The following SMCHD1 variants were observed in gnomAD, a reference collection of about 807,000 sequenced individuals.
SMCHD1 encodes structural maintenance of chromosomes flexible hinge domain-containing protein 1.
Under a neutral mutation model 254.7 loss-of-function variants are expected in SMCHD1, and 78 were observed. The ratio of observed to expected loss-of-function variants is 0.31; its 90% CI spans 0.26 to 0.37. SMCHD1 has a LOEUF of 0.37. SMCHD1 is among the 10% of genes least tolerant of loss of function. SMCHD1 has a pLI of 1.00. For missense variants in SMCHD1, 1,840 were observed against 2,408.1 expected (o/e 0.76, Z 4.94); for synonymous variants, 766 against 794.9 (o/e 0.96, Z 0.61).
chr18:2,750,419 A>T lies in SMCHD1; in HGVS notation c.4077A>T (p.Leu1359Phe), dbSNP rs1435650510. The stretch of plus-strand genomic sequence containing the variant: ...TCATAGAAGGACCTATAATTAAGTT[A>T]ATGATTCTTCCAGACCCAGAAAAAC... The part of the protein sequence containing the change: ...KSIIEGPIIK[L>F]MILPDPEKPV... Residue 1359 changes from leucine (L) to phenylalanine (F), a missense_variant, in exon 32 of 48, where the codon TTA (leucine) becomes TTT (phenylalanine). Transcript: ENST00000320876. 1 of 1,612,478 alleles carries T rather than the reference A, an allele frequency of 6.2e-7. No individual in the cohort carries two copies. Among genetic ancestry groups the T allele is most frequent in the South Asian group, 1.1e-5 (1 of 90,964 alleles).
intron 10 of SMCHD1, among the ~76,000 whole-genome samples, chr18:2,699,875 A>T (rs779991646): frequency 2.0e-5 from 3 of 152,190 alleles, no homozygotes; most frequent in Non-Finnish European, 2.9e-5. Context: ...AACTAATTCC[A>T]GGGTAGCTGA....
At chr18:2,677,404 G>T (rs1047838055) in intron 5 of SMCHD1, among the ~76,000 whole-genome samples, 1 of 152,086 alleles carries the variant, frequency 6.6e-6, no homozygotes, top group Non-Finnish European at 1.5e-5. Flanking sequence ...TTAATTGCTT[G>T]TATCTGTCTT....
chr18:2,698,438 A>G (rs569987424), intron 10 of SMCHD1, among the ~76,000 whole-genome samples: 1 of 152,278 alleles, frequency 6.6e-6, no homozygotes, highest in African/African-American at 2.4e-5. Context: ...TCTCAAAATT[A>G]TATAAATCTG....
intron 44 of SMCHD1, among the ~76,000 whole-genome samples, chr18:2,781,210 A>C (rs12457639): frequency 0.25 from 38,061 of 152,176 alleles, 4,877 homozygotes; most frequent in South Asian, 0.35. Context: ...TGCCACCTTC[A>C]TCTCAACTCC....
chr18:2,755,278 C>T (rs1598408051), intron 34 of SMCHD1, among the ~76,000 whole-genome samples: 1 of 152,136 alleles, frequency 6.6e-6, no homozygotes, highest in East Asian at 1.9e-4. Flanking sequence ...TTGTCTTAAA[C>T]TCTTGGGCCT....
Position 2,751,377 on chromosome 18 carries a change from A to G in SMCHD1, c.4265A>G (p.Asn1422Ser). 1 of 1,566,528 alleles carries G rather than the reference A, an allele frequency of 6.4e-7. No individual in the cohort carries two copies. Among genetic ancestry groups the G allele is most frequent in the Admixed American group, 2.1e-5 (1 of 48,478 alleles). Residue 1422 changes from asparagine (N) to serine (S), a missense_variant, in exon 33 of 48, where the codon AAC (asparagine) becomes AGC (serine). By Grantham distance (46) the Asn-to-Ser change is conservative. Transcript: ENST00000320876. ...MKMWKLSTSG[N>S]RPPANAETFS... is the part of the protein sequence containing the mutation. ...ATGTGGAAGCTGTCTACCAGTGGGA[A>G]CCGACCCCCAGCAAATGTGAGTCAT...
At chr18:2,703,589 A>AT in intron 12 of SMCHD1, 103 bp from the exon 13 acceptor site, 1 of 864,756 alleles carries the variant, frequency 1.2e-6, no homozygotes, top group Non-Finnish European at 1.8e-6. Context: ...GGTTTTCTGA[A>AT]TTGGAGTATA....
chr18:2,710,214 G>A (rs765010605), intron 17 of SMCHD1, among the ~76,000 whole-genome samples: 1 of 152,192 alleles, frequency 6.6e-6, no homozygotes, highest in Non-Finnish European at 1.5e-5. Flanking sequence ...ACATATGTGA[G>A]AATTTATTTC....
In SMCHD1 at chr18:2,762,223, A is replaced by C. The variant is rs758405083; in HGVS notation, c.4553A>C (p.His1518Pro). The C allele has an allele frequency of 1.9e-6, 3 of 1,613,470 alleles. No individual in the cohort carries two copies. The highest frequency in any genetic ancestry group is 3.3e-5 in the Admixed American group (2 of 59,988). ...AGTAGGACCTTGGTCAGAGATCTACATCTTAGTATCACGGTAATGTTTATT... is the reference window on the plus strand; with the variant it reads ...AGTAGGACCTTGGTCAGAGATCTACCTCTTAGTATCACGGTAATGTTTATT... ...VASRTLVRDLHLSITDDYDNH... is the reference protein window; with the variant it reads ...VASRTLVRDLPLSITDDYDNH... Residue 1518 changes from histidine to proline, a missense_variant, in exon 36 of 48, where the codon CAT (histidine) becomes CCT (proline). His to Pro is a moderately conservative substitution (Grantham distance 77). This residue lies in a region of SMCHD1 where 881 missense variants were observed against 1,009.5 expected (regional missense o/e 0.87). Coordinates refer to ENST00000320876, the MANE Select transcript of SMCHD1 (RefSeq NM_015295.3).
At chr18:2,802,225 G>C (rs1189294578) in intron 47 of SMCHD1, among the ~76,000 whole-genome samples, 1 of 151,926 alleles carries the variant, frequency 6.6e-6, no homozygotes, top group African/African-American at 2.4e-5. Flanking sequence ...AGGAAAAGGG[G>C]GTGAAAGGAA....
chr18:2,696,843 T>G (rs978363997), intron 8 of SMCHD1, among the ~76,000 whole-genome samples, 189 bp from the exon 9 acceptor site: 6 of 152,226 alleles, frequency 3.9e-5, no homozygotes, highest in Admixed American at 3.3e-4. Flanking sequence ...CCAGGTTCTA[T>G]ATCTGTAAAA....
At chr18:2,743,679 G>GTT in intron 28 of SMCHD1, 82 bp from the exon 29 acceptor site, 2 of 1,047,214 alleles carry the variant, frequency 1.9e-6, no homozygotes, top group Non-Finnish European at 2.7e-6. Context: ...ACGCCCATGG[G>GTT]TTAATGACAA....
rs554902983 is a variant in SMCHD1, at chr18:2,673,071, G to A, written c.425-210G>A. 2.0e-4 allele frequency: 199 copies of A among 985,318 alleles called. 1 individual carries two copies. The Middle Eastern group carries it at 4.7e-3, about 23-fold the overall frequency. 61.0% of individuals were successfully genotyped at this position (985,318 alleles called of 1,614,324 possible). ...GGCTGGCTGACTCATGCTGTATAGT[G>A]CCATACAAGTACTGATTGATGACTG... On this transcript the variant is annotated intron_variant, in intron 3 of 47. Coordinates refer to ENST00000320876, the MANE Select transcript of SMCHD1 (RefSeq NM_015295.3).
At chr18:2,742,456 G>A (rs572640101) in intron 28 of SMCHD1, among the ~76,000 whole-genome samples, 3 of 152,194 alleles carry the variant, frequency 2.0e-5, no homozygotes, top group Admixed American at 6.5e-5. Flanking sequence ...TATCAAATTT[G>A]GAACCCTAAG....
In SMCHD1 at chr18:2,804,035, A is replaced by G. The variant is rs2076408242; in HGVS notation, c.*1483A>G. On this transcript the variant is annotated 3_prime_UTR_variant, in exon 48 of 48. Transcript: ENST00000320876. ...AACATTTCTTGTTTCTGACTTTTAG[A>G]TTAGGGATACTCACCCCGTACCAAT... 1.3e-5 allele frequency: 2 copies of G among 152,180 alleles called. No individual in the cohort carries two copies. 9.4% of individuals were successfully genotyped at this position (152,180 alleles called of 1,614,324 possible). A position where few individuals can be genotyped will look rare whatever the true frequency, so the allele number is the denominator to read the frequency against.
At chr18:2,661,073 C>G (rs547587046) in intron 1 of SMCHD1, among the ~76,000 whole-genome samples, 20 of 152,130 alleles carry the variant, frequency 1.3e-4, no homozygotes, top group Non-Finnish European at 2.6e-4. Flanking sequence ...CAAACTAACA[C>G]AGGAACAGAA....
intron 41 of SMCHD1, among the ~76,000 whole-genome samples, chr18:2,775,288 C>A (rs141513499): frequency 6.7e-6 from 1 of 150,284 alleles, no homozygotes; most frequent in Admixed American, 6.7e-5. Flanking sequence ...AAAGTATTTA[C>A]TTAGAAGGGA....
intron 45 of SMCHD1, among the ~76,000 whole-genome samples, chr18:2,793,492 T>A (rs2076203219): frequency 6.6e-6 from 1 of 151,440 alleles, no homozygotes; most frequent in Non-Finnish European, 1.5e-5. Context: ...TGAAACCCTG[T>A]CTCTACTAAA....
In SMCHD1 at chr18:2,656,277, A is replaced by G; in HGVS notation, c.186+16A>G. 6.8e-7 allele frequency: 1 copy of G among 1,474,526 alleles called. No individual in the cohort carries two copies. Among genetic ancestry groups the G allele is most frequent in the Non-Finnish European group, 8.9e-7 (1 of 1,122,732 alleles). The allele number at this position is 1,474,526 out of a possible 1,614,324, so 91.3% of individuals were successfully genotyped here. A position where few individuals can be genotyped will look rare whatever the true frequency, so the allele number is the denominator to read the frequency against. On this transcript the variant is annotated intron_variant, in intron 1 of 47. Coordinates refer to ENST00000320876, the MANE Select transcript of SMCHD1 (RefSeq NM_015295.3). ...TGTGTGTCAGGTACGCGAAGGGGCGAGGAAGGGATGCGCGTGTAGACTTGG... is the reference window on the plus strand; with the variant it reads ...TGTGTGTCAGGTACGCGAAGGGGCGGGGAAGGGATGCGCGTGTAGACTTGG...
Sources: gnomAD v4.1 joint callset for allele counts (sites outside exome capture counted in the v4.1 genomes callset) on GRCh38, gnomAD v4.1.1 for gene constraint, gnomAD v4.1.1 regional missense constraint, MANE v1.5 for transcripts, NCBI Gene and HGNC (gene_info 2026-07-23, HGNC 2026-07-21) for gene names.